Variants in TRIB1 observed in about 807,000 individuals in gnomAD.
TRIB1 encodes tribbles pseudokinase 1.
Under a neutral mutation model 27.8 loss-of-function variants are expected in TRIB1, and 12 were observed. The observed-to-expected ratio is 0.43, with a 90% CI of 0.28 to 0.70. The LOEUF (loss-of-function observed/expected upper bound fraction) is 0.70. TRIB1 is among the 30% of genes least tolerant of loss of function. The probability of loss-of-function intolerance (pLI) is 0.18; values close to 1 mark genes in which losing one functional copy is unlikely to be tolerated. For synonymous variants in TRIB1, 230 were observed against 224.9 expected (o/e 1.02, Z -0.20); for missense variants, 475 against 515.8 (o/e 0.92, Z 0.77).
In TRIB1 at chr8:125,431,015, A is replaced by G; in HGVS notation, c.113A>G (p.Asp38Gly). 6.8e-7 allele frequency: 1 copy of G among 1,463,778 alleles called. No individual in the cohort carries two copies. The allele number at this position is 1,463,778 out of a possible 1,614,324, so 90.7% of individuals were successfully genotyped here. The change falls in exon 1 of 3, where the codon GAC becomes GGC. Residue 38 changes from aspartate (D) to glycine (G), a missense_variant. Transcript: ENST00000311922. ...GVPAKRLLDA[D>G]DAAAVAAKCP... is the part of the protein sequence containing the mutation. ...CCGGCCAAACGCCTGCTGGACGCCG[A>G]CGACGCGGCGGCTGTGGCGGCCAAG...
At chr8:125,432,336 T>TGGTGG (rs976109407) in intron 1 of TRIB1, 10 of 156,054 alleles carry the variant, frequency 6.4e-5, no homozygotes, top group African/African-American at 3.3e-4. Context: ...TATGTGTGTG[T>TGGTGG]GGTGGGATGG....
chr8:125,431,024 C>T lies in TRIB1; in HGVS notation c.122C>T (p.Ala41Val), dbSNP rs1294779641. Residue 41 changes from alanine (A) to valine (V), a missense_variant, in exon 1 of 3, where the codon GCG (alanine) becomes GTG (valine). Physicochemically the swap from Ala to Val is moderately conservative, Grantham distance 64. Transcript: ENST00000311922. ...AKRLLDADDA[A>V]AVAAKCPRLS... ...CGCCTGCTGGACGCCGACGACGCGG[C>T]GGCTGTGGCGGCCAAGTGCCCGCGC... 7 of 1,460,418 alleles carry T rather than the reference C, an allele frequency of 4.8e-6. No homozygotes were observed. Among genetic ancestry groups the T allele is most frequent in the Non-Finnish European group, 6.3e-6 (7 of 1,114,240 alleles). The allele number at this position is 1,460,418 out of a possible 1,614,324, so 90.5% of individuals were successfully genotyped here.
chr8:125,431,587 C>T (rs1814657943), intron 1 of TRIB1, among the ~76,000 whole-genome samples: 8 of 152,206 alleles, frequency 5.3e-5, no homozygotes. Context: ...TTCCCCTTCT[C>T]TCATTCTCCT....
intron 1 of TRIB1, chr8:125,432,397 C>G (rs1001654251): frequency 3.5e-4 from 244 of 705,906 alleles, no homozygotes; most frequent in Non-Finnish European, 4.0e-4. Context: ...CTAGCTGGTG[C>G]CAGAGCAGCC....
Position 125,433,463 on chromosome 8 carries a change from C to T in TRIB1, c.507C>T (p.Ser169=). 3 of 1,614,236 alleles carry T rather than the reference C, an allele frequency of 1.9e-6. No homozygotes were observed. Among genetic ancestry groups the T allele is most frequent in the Non-Finnish European group, 2.5e-6 (3 of 1,180,040 alleles). ...AGAAGGACTTTGGGGACATGCACTC[C>T]TATGTGCGAAGCCGGAAGAGGCTGC... ...FFEKDFGDMH[S]YVRSRKRLRE... The change falls in exon 2 of 3, where the codon TCC becomes TCT. Residue 169 remains serine, a synonymous_variant. Transcript: ENST00000311922. This position sits in a 1 kb window ranked among gnomAD's most constrained non-coding sequence, Gnocchi z 4.4.
rs1814638798 is a variant in TRIB1, at chr8:125,430,705, G to A, written c.-198G>A. The A allele has an allele frequency of 6.1e-6, 4 of 652,420 alleles. No individual in the cohort carries two copies. Among genetic ancestry groups the A allele is most frequent in the Non-Finnish European group, 8.9e-6 (4 of 449,650 alleles). 40.4% of individuals were successfully genotyped at this position (652,420 alleles called of 1,614,324 possible). ...CCGGCCTCCGCCTCCCGGACGCACAGCCAGCGTGGTCCCCGCGTGCAACGC... is the reference window on the plus strand; with the variant it reads ...CCGGCCTCCGCCTCCCGGACGCACAACCAGCGTGGTCCCCGCGTGCAACGC... On this transcript the variant is annotated 5_prime_UTR_variant, in exon 1 of 3. Transcript: ENST00000311922.
At chr8:125,434,045 C>T (rs776772554) in intron 2 of TRIB1, among the ~76,000 whole-genome samples, 1 of 152,170 alleles carries the variant, frequency 6.6e-6, no homozygotes, top group Non-Finnish European at 1.5e-5. Flanking sequence ...ATGCAGAATT[C>T]CACCCTCTTG....
Position 125,431,195 on chromosome 8 carries a change from C to T in TRIB1, c.293C>T (p.Pro98Leu). The change falls in exon 1 of 3, where the codon CCC (proline) becomes CTC (leucine). Residue 98 changes from proline (P) to leucine (L), a missense_variant. Pro to Leu is a moderately conservative substitution (Grantham distance 98). Transcript: ENST00000311922. ...CGCATCGCCGACTACCTGCTGCTGC[C>T]CCTAGCCGAGCGCGAGCATGTGTCC... ...PSRIADYLLLPLAEREHVSRA... is the reference protein window; with the variant it reads ...PSRIADYLLLLLAEREHVSRA... 1 of 1,287,582 alleles carries T rather than the reference C, an allele frequency of 7.8e-7. No homozygotes were observed. Among genetic ancestry groups the T allele is most frequent in the Non-Finnish European group, 9.8e-7 (1 of 1,019,856 alleles). 79.8% of individuals were successfully genotyped at this position (1,287,582 alleles called of 1,614,324 possible).
chr8:125,436,235 A>G lies in TRIB1; in HGVS notation c.883A>G (p.Lys295Glu). ...HDSDPSALFS[K>E]IRRGQFCIPE... ...CTCAGACCCCAGTGCCCTTTTCTCCAAAATTCGGCGTGGACAGTTCTGCAT... is the reference window on the plus strand; with the variant it reads ...CTCAGACCCCAGTGCCCTTTTCTCCGAAATTCGGCGTGGACAGTTCTGCAT... Residue 295 changes from lysine (K) to glutamate (E), a missense_variant, in exon 3 of 3, where the codon AAA (lysine) becomes GAA (glutamate). Lys to Glu is a moderately conservative substitution (Grantham distance 56). Transcript: ENST00000311922. The G allele has an allele frequency of 6.2e-7, 1 of 1,614,064 alleles. No individual in the cohort carries two copies. The highest frequency in any genetic ancestry group is 2.2e-5 in the East Asian group (1 of 44,874).
chr8:125,433,621 C>T lies in TRIB1; in HGVS notation c.653+12C>T, dbSNP rs772945300. 119 of 1,598,132 alleles carry T rather than the reference C, an allele frequency of 7.4e-5. 2 individuals are homozygous for T. The South Asian group carries it at 8.9e-4, about 12-fold the overall frequency. The stretch of plus-strand genomic sequence containing the variant: ...TCCACGGAGGAGAGGTGAGCGGCCG[C>T]CACAGCTTCTCCTGTGGCCTTTTGG... On this transcript the variant is annotated intron_variant, in intron 2 of 2. Coordinates refer to ENST00000311922, the MANE Select transcript of TRIB1 (RefSeq NM_025195.4). This position sits in a 1 kb window ranked among gnomAD's most constrained non-coding sequence, Gnocchi z 4.4.
chr8:125,430,915 C>G lies in TRIB1; in HGVS notation c.13C>G (p.Pro5Ala). The G allele has an allele frequency of 1.4e-6, 2 of 1,453,942 alleles. No homozygotes were observed. Among genetic ancestry groups the G allele is most frequent in the South Asian group, 2.7e-5 (2 of 73,776 alleles). The allele number at this position is 1,453,942 out of a possible 1,614,324, so 90.1% of individuals were successfully genotyped here. A position where few individuals can be genotyped will look rare whatever the true frequency, so the allele number is the denominator to read the frequency against. The change falls in exon 1 of 3, where the codon CCG becomes GCG. Residue 5 changes from proline (P) to alanine (A), a missense_variant. Transcript: ENST00000311922. ...GGCCCAGGACGGGATGCGGGTCGGT[C>G]CGGTGCGCTCTGCCATGAGCGGCGC... MRVG[P>A]VRSAMSGASQ...
chr8:125,435,620 G>A (rs1814735166), intron 2 of TRIB1, among the ~76,000 whole-genome samples: 1 of 152,178 alleles, frequency 6.6e-6, no homozygotes, highest in Admixed American at 6.5e-5. Flanking sequence ...GAAGAAGTAG[G>A]ATATGCTGCT....
At position 125,431,102 on chromosome 8, in the gene TRIB1, G is replaced by A. The variant is rs976444542; in HGVS notation, c.200G>A (p.Cys67Tyr). Residue 67 changes from cysteine (C) to tyrosine (Y), a missense_variant, in exon 1 of 3, where the codon TGC becomes TAC. Transcript: ENST00000311922. ...TACCTCAGCCCCCCCGGCTCGCCCTGCAGCCCGCAGCCCCCGCCTGCCGCT... is the reference window on the plus strand; with the variant it reads ...TACCTCAGCCCCCCCGGCTCGCCCTACAGCCCGCAGCCCCCGCCTGCCGCT... Reference protein sequence around the residue: ...PDYLSPPGSPCSPQPPPAAPG... With the variant: ...PDYLSPPGSPYSPQPPPAAPG... 1.3e-5 allele frequency: 18 copies of A among 1,342,916 alleles called. No individual in the cohort carries two copies. The African/African-American group carries it at 1.4e-4, about 10-fold the overall frequency. 83.2% of individuals were successfully genotyped at this position (1,342,916 alleles called of 1,614,324 possible).
intron 1 of TRIB1, chr8:125,432,193 G>A: frequency 1.0e-6 from 1 of 967,810 alleles, no homozygotes; most frequent in Non-Finnish European, 1.2e-6. Context: ...CCCGTCCCGG[G>A]GCTCGCTGCT....
At chr8:125,431,305 G>A in intron 1 of TRIB1, 43 bp downstream of exon 1, 1 of 1,253,238 alleles carries the variant, frequency 8.0e-7, no homozygotes, top group East Asian at 3.1e-5. Flanking sequence ...TCGGGGGCGC[G>A]GGACGGGGTG....
Position 125,431,108 on chromosome 8 carries a change from C to T in TRIB1, c.206C>T (p.Pro69Leu), listed in dbSNP as rs1001989436. Residue 69 changes from proline to leucine, a missense_variant, in exon 1 of 3, where the codon CCG becomes CTG. Physicochemically the swap from Pro to Leu is moderately conservative, Grantham distance 98 (BLOSUM62 -3). Transcript: ENST00000311922. Reference protein sequence around the residue: ...YLSPPGSPCSPQPPPAAPGAG... With the variant: ...YLSPPGSPCSLQPPPAAPGAG... Reference sequence around the variant, plus strand: ...AGCCCCCCCGGCTCGCCCTGCAGCCCGCAGCCCCCGCCTGCCGCTCCGGGG... The same window carrying T: ...AGCCCCCCCGGCTCGCCCTGCAGCCTGCAGCCCCCGCCTGCCGCTCCGGGG... 32 of 1,333,266 alleles carry T rather than the reference C, an allele frequency of 2.4e-5. No homozygotes were observed. The Middle Eastern group carries it at 1.4e-3, about 58-fold the overall frequency. The allele number at this position is 1,333,266 out of a possible 1,614,324, so 82.6% of individuals were successfully genotyped here.
intron 1 of TRIB1, 96 bp downstream of exon 1, chr8:125,431,358 C>T: frequency 8.3e-7 from 1 of 1,204,526 alleles, no homozygotes; most frequent in Non-Finnish European, 1.0e-6. Context: ...TTGGGCTGGG[C>T]ACAGGGCGGA....
chr8:125,432,267 GA>G (rs71295858), intron 1 of TRIB1: 158 of 960,956 alleles, frequency 1.6e-4, no homozygotes, highest in Non-Finnish European at 1.7e-4. Context: ...TAATAGGGAG[GA>G]AAAAAAAACC....
At chr8:125,435,960 A>G (rs765158792) in intron 2 of TRIB1, 46 bp from the exon 3 acceptor site, 2 of 1,535,474 alleles carry the variant, frequency 1.3e-6, no homozygotes, top group Non-Finnish European at 1.8e-6. Context: ...TTTGTTTTTC[A>G]TAGCAGCTGG....
Sources: gnomAD v4.1 joint callset for allele counts (sites outside exome capture counted in the v4.1 genomes callset) on GRCh38, gnomAD v4.1.1 for gene constraint, Gnocchi (gnomAD v3.1) non-coding constraint, MANE v1.5 for transcripts, NCBI Gene and HGNC (gene_info 2026-07-23, HGNC 2026-07-21) for gene names.